PARD3B: variants seen among roughly 807,000 people sequenced by gnomAD.
PARD3B encodes the protein par-3 family cell polarity regulator beta.
A neutral mutation model predicts 130.2 loss-of-function variants in PARD3B; 103 were observed. That is an observed-to-expected ratio of 0.79 (90% CI 0.67 to 0.93). PARD3B has a LOEUF of 0.93. Among genes scored for constraint, PARD3B ranks in the 40% least tolerant of loss-of-function variants. The pLI is 0.00. For missense variants in PARD3B, 1,609 were observed against 1,499.2 expected (o/e 1.07, Z -1.21); for synonymous variants, 583 against 553.2 (o/e 1.05, Z -0.76).
At chr2:205,059,209 C>G (rs1699917265) in intron 4 of PARD3B, among the ~76,000 whole-genome samples, 1 of 152,004 alleles carries the variant, frequency 6.6e-6, no homozygotes, top group African/African-American at 2.4e-5. Context: ...ATTGAATGGT[C>G]TTGGCACCAC....
intron 3 of PARD3B, among the ~76,000 whole-genome samples, chr2:205,033,588 C>T (rs1365676369): frequency 6.6e-6 from 1 of 152,094 alleles, no homozygotes; most frequent in East Asian, 1.9e-4. Flanking sequence ...CAAGGGTGTC[C>T]ATCTCTAGCA....
intron 1 of PARD3B, among the ~76,000 whole-genome samples, chr2:204,563,276 C>T: frequency 9.1e-6 from 1 of 109,592 alleles, no homozygotes. Context: ...TTTCTCTCTT[C>T]TCCCTTTATA....
At chr2:205,118,011 T>C (rs1189801760) in intron 6 of PARD3B, among the ~76,000 whole-genome samples, 1 of 152,052 alleles carries the variant, frequency 6.6e-6, no homozygotes, top group Non-Finnish European at 1.5e-5. Context: ...CCCTCCTGAT[T>C]CTAAGCTACA....
At chr2:205,402,468 T>C (rs1166319738) in intron 19 of PARD3B, among the ~76,000 whole-genome samples, 1 of 152,218 alleles carries the variant, frequency 6.6e-6, no homozygotes, top group Non-Finnish European at 1.5e-5. Context: ...TTCAGGAAAC[T>C]GAGCTGTTTT....
chr2:204,852,551 GA>G (rs143307732), intron 2 of PARD3B, among the ~76,000 whole-genome samples: 3 of 150,144 alleles, frequency 2.0e-5, no homozygotes, highest in East Asian at 1.9e-4. Context: ...TTAAATACTG[GA>G]AAAAAAATCT....
At chr2:205,582,318 A>G (rs912384405) in intron 22 of PARD3B, among the ~76,000 whole-genome samples, 1 of 152,222 alleles carries the variant, frequency 6.6e-6, no homozygotes, top group Admixed American at 6.5e-5. Flanking sequence ...AGAGTCTCAT[A>G]AAAAATGAGA....
At chr2:204,808,966 C>G (rs1256947421) in intron 2 of PARD3B, among the ~76,000 whole-genome samples, 1 of 151,978 alleles carries the variant, frequency 6.6e-6, no homozygotes, top group Admixed American at 6.6e-5. Context: ...CTTTTTATTG[C>G]CATTCTGACT....
intron 16 of PARD3B, among the ~76,000 whole-genome samples, chr2:205,270,493 G>A (rs1162979102): frequency 6.6e-6 from 1 of 151,972 alleles, no homozygotes. Flanking sequence ...CTTGAACCCG[G>A]GAGGCGGAGG....
intron 3 of PARD3B, among the ~76,000 whole-genome samples, chr2:205,035,829 CT>C (rs1697812439): frequency 5.4e-5 from 1 of 18,624 alleles, no homozygotes; most frequent in Admixed American, 7.5e-4. Flanking sequence ...ATCTATATAT[CT>C]ATATATATAT....
intron 4 of PARD3B, among the ~76,000 whole-genome samples, chr2:205,063,939 C>T (rs892182918): frequency 1.2e-4 from 17 of 147,488 alleles, no homozygotes; most frequent in Non-Finnish European, 1.8e-4. Flanking sequence ...TAAAAAAAAA[C>T]GCATATCCAA....
At chr2:204,804,796 C>A (rs2042705531) in intron 2 of PARD3B, among the ~76,000 whole-genome samples, 1 of 151,896 alleles carries the variant, frequency 6.6e-6, no homozygotes, top group Non-Finnish European at 1.5e-5. Context: ...TCTCTGACAA[C>A]AATGGAATAA....
At chr2:205,298,666 G>A (rs62171478) in intron 16 of PARD3B, among the ~76,000 whole-genome samples, 4,734 of 152,232 alleles carry the variant, frequency 0.031, 84 homozygotes, top group Middle Eastern at 0.055. Flanking sequence ...TCTCCTATAA[G>A]TTAATGATGA....
In PARD3B at chr2:205,591,857, G is replaced by A. The variant is rs934301993; in HGVS notation, c.3261-23599G>A. Among the ~76,000 whole-genome samples, 4 of 152,186 alleles carry A rather than the reference G, an allele frequency of 2.6e-5. No homozygotes were observed. The highest frequency in any genetic ancestry group is 5.9e-5 in the Non-Finnish European group (4 of 68,024). On this transcript the variant is annotated intron_variant, in intron 22 of 22. Transcript: ENST00000406610. The surrounding 1 kb of genome is among the most constrained non-coding windows in gnomAD (Gnocchi z 4.2). Reference sequence around the variant, plus strand: ...GTCCTCACAGGCAGAGGAGAGCAAAGCCTGAGAAAGAATCTCATAAAAGAC... The same window carrying A: ...GTCCTCACAGGCAGAGGAGAGCAAAACCTGAGAAAGAATCTCATAAAAGAC...
At chr2:205,356,629 G>A (rs1317346946) in intron 18 of PARD3B, among the ~76,000 whole-genome samples, 1 of 152,136 alleles carries the variant, frequency 6.6e-6, no homozygotes. Flanking sequence ...GATGGCTAAC[G>A]CCTATAAACC....
intron 2 of PARD3B, among the ~76,000 whole-genome samples, chr2:204,841,829 A>G (rs1049766797): frequency 2.0e-5 from 3 of 152,100 alleles, no homozygotes; most frequent in Non-Finnish European, 4.4e-5. Context: ...AGTAATAATT[A>G]GCTAATTTTT....
chr2:205,547,107 CT>C (rs1227318262), intron 21 of PARD3B, among the ~76,000 whole-genome samples: 1 of 152,104 alleles, frequency 6.6e-6, no homozygotes, highest in African/African-American at 2.4e-5. Flanking sequence ...AGGGAGAGGA[CT>C]TTTTCTCATC....
At chr2:205,022,120 AGTTAT>A (rs1312753747) in intron 3 of PARD3B, among the ~76,000 whole-genome samples, 1 of 152,194 alleles carries the variant, frequency 6.6e-6, no homozygotes, top group Non-Finnish European at 1.5e-5. Flanking sequence ...TGATTCAGTT[AGTTAT>A]ATTTTAAATG....
intron 18 of PARD3B, among the ~76,000 whole-genome samples, chr2:205,348,499 A>G (rs1161903232): frequency 6.6e-6 from 1 of 152,250 alleles, no homozygotes; most frequent in African/African-American, 2.4e-5. Context: ...GAGAGAGAGC[A>G]GATGGGTTAG....
At chr2:205,364,253 T>C (rs1442571297) in intron 18 of PARD3B, among the ~76,000 whole-genome samples, 1 of 152,212 alleles carries the variant, frequency 6.6e-6, no homozygotes, top group Non-Finnish European at 1.5e-5. Context: ...TGAAGTCCCA[T>C]AGCTTAGTGA....
Sources: allele counts gnomAD v4.1 joint callset (sites outside exome capture counted in the v4.1 genomes callset), GRCh38; gene constraint gnomAD v4.1.1; non-coding constraint Gnocchi (gnomAD v3.1); transcripts MANE v1.5; gene names NCBI Gene and HGNC (gene_info 2026-07-23, HGNC 2026-07-21).